The following SGCD variants were observed in gnomAD, a reference collection of about 807,000 sequenced individuals.
SGCD encodes sarcoglycan delta, also known as delta-sarcoglycan.
SGCD carries 18 observed loss-of-function variants against 36.6 expected under a neutral mutation model. The observed-to-expected ratio is 0.49, with a 90% CI of 0.34 to 0.73. The LOEUF (loss-of-function observed/expected upper bound fraction) is 0.73, where lower values mean the gene tolerates loss of function less well. Ranked by LOEUF, SGCD falls within the 30% of genes least tolerant of loss-of-function variation. SGCD has a pLI of 0.01. For missense variants in SGCD, 387 were observed against 346.7 expected (o/e 1.12, Z -0.92); for synonymous variants, 133 against 130.6 (o/e 1.02, Z -0.12).
intron 3 of SGCD, among the ~76,000 whole-genome samples, chr5:156,169,747 G>C (rs1763298131): frequency 6.6e-6 from 1 of 152,062 alleles, no homozygotes; most frequent in Non-Finnish European, 1.5e-5. Flanking sequence ...GGACTAAATA[G>C]CATAATGGTG....
chr5:156,516,922 C>T (rs184609950), intron 4 of SGCD, among the ~76,000 whole-genome samples: 72 of 152,160 alleles, frequency 4.7e-4, no homozygotes, highest in Non-Finnish European at 8.5e-4. Flanking sequence ...TGCTTGAACC[C>T]GGAAGGTGGA....
chr5:156,032,653 G>A (rs1759375008), intron 1 of SGCD, among the ~76,000 whole-genome samples: 1 of 129,984 alleles, frequency 7.7e-6, no homozygotes, highest in Non-Finnish European at 1.5e-5. Flanking sequence ...GGGAGGTGGA[G>A]CTTGTAGTGA....
At chr5:156,486,010 G>A (rs75853718) in intron 3 of SGCD, among the ~76,000 whole-genome samples, 3,272 of 152,196 alleles carry the variant, frequency 0.021, 34 homozygotes, top group Non-Finnish European at 0.031. Flanking sequence ...CCATGCAACA[G>A]CAGTGTTCCA....
chr5:156,217,694 T>C (rs1764609183), intron 3 of SGCD, among the ~76,000 whole-genome samples: 1 of 152,296 alleles, frequency 6.6e-6, no homozygotes. Context: ...CTTCAAAAAA[T>C]TTTTAATCAG....
At chr5:156,007,168 G>T (rs1323913315) in intron 1 of SGCD, among the ~76,000 whole-genome samples, 1 of 152,086 alleles carries the variant, frequency 6.6e-6, no homozygotes, top group Non-Finnish European at 1.5e-5. Context: ...CCCCTGGCTG[G>T]CAGGAGCCCC....
chr5:156,167,133 T>G (rs941707514), intron 3 of SGCD, among the ~76,000 whole-genome samples: 2 of 152,116 alleles, frequency 1.3e-5, no homozygotes, highest in Non-Finnish European at 2.9e-5. Flanking sequence ...TTCCCAGTTC[T>G]CTCTCAGCTT....
intron 3 of SGCD, among the ~76,000 whole-genome samples, chr5:156,249,397 T>C (rs1313541669): frequency 1.3e-5 from 2 of 152,292 alleles, no homozygotes; most frequent in East Asian, 3.9e-4. Context: ...CAGAAAAATA[T>C]GTGGGATTAG....
At chr5:156,214,293 C>A (rs1337177019) in intron 3 of SGCD, among the ~76,000 whole-genome samples, 1 of 151,872 alleles carries the variant, frequency 6.6e-6, no homozygotes, top group Non-Finnish European at 1.5e-5. Context: ...AAATCAGTAT[C>A]ATTTCTGTAC....
At chr5:155,757,130 G>A in the SGCD span, among the ~76,000 whole-genome samples, 1 of 152,204 alleles carries the variant, frequency 6.6e-6, no homozygotes, top group Non-Finnish European at 1.5e-5. Context: ...CAATTTCTGA[G>A]GAGGGTGGTG....
At chr5:156,028,242 G>A (rs773270727) in intron 1 of SGCD, among the ~76,000 whole-genome samples, 2 of 152,234 alleles carry the variant, frequency 1.3e-5, no homozygotes, top group South Asian at 2.1e-4. Flanking sequence ...TAGAATGTGC[G>A]TTCAGCCCAG....
chr5:156,029,292 AG>A (rs1279274179), intron 1 of SGCD, among the ~76,000 whole-genome samples: 4 of 152,140 alleles, frequency 2.6e-5, no homozygotes, highest in African/African-American at 9.7e-5. Flanking sequence ...GTAGTAATAG[AG>A]TTTTATGGTT....
At chr5:156,250,862 G>C (rs1411087804) in intron 3 of SGCD, among the ~76,000 whole-genome samples, 1 of 152,164 alleles carries the variant, frequency 6.6e-6, no homozygotes, top group Non-Finnish European at 1.5e-5. Context: ...TAAGTCTGTA[G>C]GGAAAGTAAT....
intron 7 of SGCD, among the ~76,000 whole-genome samples, chr5:156,706,123 T>G (rs898180285): frequency 4.6e-5 from 7 of 152,176 alleles, no homozygotes; most frequent in Non-Finnish European, 1.0e-4. Context: ...TCAAATTATG[T>G]GTATCAATAG....
intron 3 of SGCD, among the ~76,000 whole-genome samples, chr5:156,357,501 A>T (rs1769552326): frequency 6.6e-6 from 1 of 152,204 alleles, no homozygotes; most frequent in South Asian, 2.1e-4. Flanking sequence ...TCAATGAGGA[A>T]TGGGCATTTT....
At chr5:156,286,598 C>G (rs1250120392) in intron 3 of SGCD, among the ~76,000 whole-genome samples, 2 of 152,152 alleles carry the variant, frequency 1.3e-5, no homozygotes, top group Non-Finnish European at 2.9e-5. Flanking sequence ...ACCGCATGTT[C>G]TCACTCATAG....
At chr5:155,937,328 G>T (rs1361002581) in intron 1 of SGCD, among the ~76,000 whole-genome samples, 1 of 152,182 alleles carries the variant, frequency 6.6e-6, no homozygotes, top group Non-Finnish European at 1.5e-5. Flanking sequence ...TTCCATCAAG[G>T]TCACATATTG....
At chr5:156,739,596 G>C (rs1581506278) in intron 7 of SGCD, 1 of 151,936 alleles carries the variant, frequency 6.6e-6, no homozygotes, top group African/African-American at 2.4e-5. Context: ...TCTTCAGCCT[G>C]GATAAAAAAA....
Position 156,554,665 on chromosome 5 carries a change from C to A in SGCD, c.295-34566C>A, listed in dbSNP as rs146390187. Among the ~76,000 whole-genome samples, 989 of 148,340 alleles carry A rather than the reference C, an allele frequency of 6.7e-3. 7 individuals are homozygous for A. Among genetic ancestry groups the A allele is most frequent in the African/African-American group, 0.018 (722 of 40,650 alleles). On this transcript the variant is annotated intron_variant, in intron 4 of 8. Coordinates refer to ENST00000337851, the MANE Select transcript of SGCD (RefSeq NM_000337.6). ...TATATTATATATATATATTATATATCTAAATGATTCAGTACTATGGGTGGT... is the reference window on the plus strand; with the variant it reads ...TATATTATATATATATATTATATATATAAATGATTCAGTACTATGGGTGGT...
chr5:155,807,076 T>A, the SGCD span, among the ~76,000 whole-genome samples: 1 of 152,212 alleles, frequency 6.6e-6, no homozygotes, highest in Non-Finnish European at 1.5e-5. Context: ...GCCTTCTTGC[T>A]TATTTTAAGT....
Sources: gnomAD v4.1 joint callset for allele counts (sites outside exome capture counted in the v4.1 genomes callset) on GRCh38, gnomAD v4.1.1 for gene constraint, MANE v1.5 for transcripts, NCBI Gene and HGNC (gene_info 2026-07-23, HGNC 2026-07-21) for gene names.